The following NTRK3 variants were observed in gnomAD, a reference collection of about 807,000 sequenced individuals.
The protein encoded by NTRK3 is neurotrophic receptor tyrosine kinase 3, also known as NT-3 growth factor receptor.
Under a neutral mutation model 91.7 loss-of-function variants are expected in NTRK3, and 24 were observed. The observed-to-expected ratio is 0.26, with a 90% CI of 0.19 to 0.37. NTRK3 has a LOEUF of 0.37. Ranked by LOEUF, NTRK3 falls within the 10% of genes least tolerant of loss-of-function variation. The pLI is 1.00. For missense variants in NTRK3, 880 were observed against 1,068.9 expected (o/e 0.82, Z 2.46); for synonymous variants, 483 against 404.0 (o/e 1.20, Z -2.34).
chr15:88,241,401 G>A lies in NTRK3; in HGVS notation c.248+14505C>T, dbSNP rs897883714. On this transcript the variant is annotated intron_variant, in intron 3 of 18. Transcript: ENST00000394480. The surrounding 1 kb of genome is among the most constrained non-coding windows in gnomAD (Gnocchi z 4.3). ...CAGCTCAGGGATGGGGGTGATGGGCGCAGGGAAGAGCAACCAATCATTTCC... is the reference window on the plus strand; with the variant it reads ...CAGCTCAGGGATGGGGGTGATGGGCACAGGGAAGAGCAACCAATCATTTCC... Among the ~76,000 whole-genome samples the A allele has an allele frequency of 8.5e-5, 13 of 152,160 alleles. No individual in the cohort carries two copies. The highest frequency in any genetic ancestry group is 3.9e-4 in the Admixed American group (6 of 15,278).
At chr15:88,244,555 T>C (rs1021510798) in intron 3 of NTRK3, among the ~76,000 whole-genome samples, 8 of 150,910 alleles carry the variant, frequency 5.3e-5, no homozygotes, top group African/African-American at 1.7e-4. Flanking sequence ...CCAGAGAAGA[T>C]GGCACCTGGG....
intron 3 of NTRK3, among the ~76,000 whole-genome samples, chr15:88,239,192 C>T (rs1255576738): frequency 6.6e-6 from 1 of 151,346 alleles, no homozygotes; most frequent in African/African-American, 2.5e-5. Context: ...AACTGGAGGC[C>T]AGAAGCCCTC....
intron 17 of NTRK3, among the ~76,000 whole-genome samples, chr15:87,919,089 A>C (rs2067664620): frequency 6.9e-6 from 1 of 144,950 alleles, no homozygotes; most frequent in Non-Finnish European, 1.5e-5. Flanking sequence ...TGGTGTGGCC[A>C]GTACTTGTGA....
intron 3 of NTRK3, among the ~76,000 whole-genome samples, chr15:88,226,015 C>T (rs1398032099): frequency 6.6e-6 from 1 of 152,188 alleles, no homozygotes; most frequent in Admixed American, 6.5e-5. Flanking sequence ...TCCCAGGAAG[C>T]AGTCTGGAAG....
intron 17 of NTRK3, among the ~76,000 whole-genome samples, chr15:87,903,669 A>T (rs1239045595): frequency 2.0e-5 from 3 of 152,212 alleles, no homozygotes; most frequent in Non-Finnish European, 4.4e-5. Context: ...ACAGACAACC[A>T]AACTCCCTAA....
intron 18 of NTRK3, among the ~76,000 whole-genome samples, chr15:87,877,967 G>A (rs1263321981): frequency 6.6e-6 from 1 of 152,110 alleles, no homozygotes; most frequent in Admixed American, 6.5e-5. Context: ...ATGCATGCCT[G>A]GCCAACCCCA....
At chr15:87,944,358 A>C (rs887308686) in intron 14 of NTRK3, among the ~76,000 whole-genome samples, 2 of 152,226 alleles carry the variant, frequency 1.3e-5, no homozygotes, top group Admixed American at 1.3e-4. Context: ...CTTACCGAGG[A>C]AACAGTAGGG....
intron 10 of NTRK3, among the ~76,000 whole-genome samples, chr15:88,131,345 T>C (rs7180942): frequency 0.55 from 83,697 of 152,166 alleles, 24,581 homozygotes; most frequent in African/African-American, 0.78. Flanking sequence ...CTCTAACTAC[T>C]TGTGGGGAAT....
chr15:88,137,291 G>T, intron 7 of NTRK3, 113 bp downstream of exon 7: 3 of 1,243,636 alleles, frequency 2.4e-6, no homozygotes, highest in Non-Finnish European at 2.3e-6. Context: ...TTCAAGGCTG[G>T]GAGGGCGTTT....
At chr15:88,069,178 C>A (rs1315898340) in intron 13 of NTRK3, among the ~76,000 whole-genome samples, 1 of 152,178 alleles carries the variant, frequency 6.6e-6, no homozygotes, top group African/African-American at 2.4e-5. Flanking sequence ...TTTAGGACAA[C>A]CTTGCAGAAA....
chr15:88,154,110 C>CAA (rs397736752), intron 5 of NTRK3, among the ~76,000 whole-genome samples: 29,108 of 86,248 alleles, frequency 0.34, 3,783 homozygotes, highest in Non-Finnish European at 0.38. Context: ...ATAGACTTTG[C>CAA]AAAAAAAAAA....
chr15:88,075,515 G>A (rs2150578583), intron 13 of NTRK3, among the ~76,000 whole-genome samples: 1 of 152,186 alleles, frequency 6.6e-6, no homozygotes, highest in Admixed American at 6.5e-5. Context: ...CCCTAAAGAG[G>A]ACCCCAGCAG....
At chr15:88,207,403 T>C (rs964793021) in intron 3 of NTRK3, among the ~76,000 whole-genome samples, 2 of 152,148 alleles carry the variant, frequency 1.3e-5, no homozygotes, top group Non-Finnish European at 2.9e-5. Context: ...AACACACCCT[T>C]ACTACATCGT....
At chr15:88,090,700 T>C (rs2048936992) in intron 13 of NTRK3, among the ~76,000 whole-genome samples, 2 of 152,104 alleles carry the variant, frequency 1.3e-5, no homozygotes, top group Admixed American at 1.3e-4. Flanking sequence ...TTGCATTTCA[T>C]CTTCACCTCC....
chr15:88,024,869 C>A (rs2077896559), intron 14 of NTRK3, among the ~76,000 whole-genome samples: 1 of 152,188 alleles, frequency 6.6e-6, no homozygotes, highest in Admixed American at 6.5e-5. Flanking sequence ...TTGGTTGGTA[C>A]CAAGAGGTGC....
chr15:88,055,923 T>A (rs937446184), intron 13 of NTRK3, among the ~76,000 whole-genome samples: 1 of 152,124 alleles, frequency 6.6e-6, no homozygotes, highest in East Asian at 1.9e-4. Flanking sequence ...GGGACTTCTA[T>A]CTTATCGTTC....
At chr15:87,959,076 G>A (rs1489185115) in intron 14 of NTRK3, among the ~76,000 whole-genome samples, 1 of 146,370 alleles carries the variant, frequency 6.8e-6, no homozygotes, top group East Asian at 2.1e-4. Context: ...GGCCACCTTA[G>A]AGCCATGACA....
intron 3 of NTRK3, among the ~76,000 whole-genome samples, chr15:88,188,752 G>T (rs892419421): frequency 1.3e-5 from 2 of 152,186 alleles, no homozygotes; most frequent in African/African-American, 2.4e-5. Flanking sequence ...GGAAATGAGG[G>T]GTGTGTTGGC....
chr15:88,238,170 T>A (rs2051982388), intron 3 of NTRK3, among the ~76,000 whole-genome samples: 2 of 152,198 alleles, frequency 1.3e-5, no homozygotes, highest in Admixed American at 1.3e-4. Context: ...CACCTTCATC[T>A]TGGACTTCCA....
Sources: allele counts gnomAD v4.1 joint callset (sites outside exome capture counted in the v4.1 genomes callset), GRCh38; gene constraint gnomAD v4.1.1; non-coding constraint Gnocchi (gnomAD v3.1); transcripts MANE v1.5; gene names NCBI Gene and HGNC (gene_info 2026-07-23, HGNC 2026-07-21).